The following KCNIP4 variants were observed in gnomAD, a reference collection of about 807,000 sequenced individuals.
KCNIP4 encodes the protein potassium voltage-gated channel interacting protein 4.
KCNIP4 carries 12 observed loss-of-function variants against 34.0 expected under a neutral mutation model. The ratio of observed to expected loss-of-function variants is 0.35; its 90% CI spans 0.23 to 0.57. KCNIP4 has a LOEUF of 0.57. Among genes scored for constraint, KCNIP4 ranks in the 20% least tolerant of loss-of-function variants. KCNIP4 has a pLI of 0.83. For missense variants in KCNIP4, 238 were observed against 311.7 expected (o/e 0.76, Z 1.78); for synonymous variants, 124 against 102.2 (o/e 1.21, Z -1.29).
At chr4:21,337,124 G>A (rs1389181914) in intron 1 of KCNIP4, among the ~76,000 whole-genome samples, 3 of 146,668 alleles carry the variant, frequency 2.0e-5, no homozygotes, top group African/African-American at 8.3e-5. Flanking sequence ...GATATGGAGA[G>A]AGGCAAGGAT....
chr4:21,734,299 C>T (rs142010302), intron 1 of KCNIP4, among the ~76,000 whole-genome samples: 27 of 152,116 alleles, frequency 1.8e-4, no homozygotes, highest in African/African-American at 6.3e-4. Context: ...GTGGAATGTA[C>T]ATTAGGAAGA....
At chr4:21,114,158 C>T (rs531827848) in intron 1 of KCNIP4, among the ~76,000 whole-genome samples, 36 of 152,278 alleles carry the variant, frequency 2.4e-4, no homozygotes, top group African/African-American at 8.7e-4. Flanking sequence ...GAGGTTCTTA[C>T]ATACAGAAAT....
At chr4:21,247,373 T>A (rs1760285044) in intron 1 of KCNIP4, among the ~76,000 whole-genome samples, 1 of 151,940 alleles carries the variant, frequency 6.6e-6, no homozygotes, top group South Asian at 2.1e-4. Flanking sequence ...ATGCAGTTCT[T>A]GTTCATTAGG....
In KCNIP4 at chr4:21,233,878, ATAAC is replaced by A. The variant is rs559018996; in HGVS notation, c.62-351173_62-351170del. On this transcript the variant is annotated intron_variant, in intron 1 of 8. Coordinates refer to ENST00000382152, the MANE Select transcript of KCNIP4 (RefSeq NM_025221.6). The stretch of plus-strand genomic sequence containing the variant: ...TAGTCAATATGACTTTGAGATATCC[ATAAC>A]TAATATATATCACATATAACTAATA... Among the ~76,000 whole-genome samples the A allele has an allele frequency of 9.3e-3, 1,324 of 142,640 alleles. 28 individuals are homozygous for A. Among genetic ancestry groups the A allele is most frequent in the African/African-American group, 0.033 (1,262 of 38,794 alleles). The allele number at this position is 142,640 out of a possible 152,430, so 93.6% of individuals were successfully genotyped here.
At chr4:21,801,807 A>G (rs1721016049) in intron 1 of KCNIP4, among the ~76,000 whole-genome samples, 2 of 151,804 alleles carry the variant, frequency 1.3e-5, no homozygotes, top group Non-Finnish European at 2.9e-5. Flanking sequence ...ATAGCTGCAC[A>G]GCACCAGGAT....
chr4:21,695,500 T>C (rs1375135928), intron 1 of KCNIP4, among the ~76,000 whole-genome samples: 1 of 151,992 alleles, frequency 6.6e-6, no homozygotes, highest in Non-Finnish European at 1.5e-5. Flanking sequence ...CAAATACGCA[T>C]TGAATAAAGC....
chr4:21,407,303 C>A (rs1724076148), intron 1 of KCNIP4, among the ~76,000 whole-genome samples: 1 of 152,026 alleles, frequency 6.6e-6, no homozygotes, highest in Admixed American at 6.6e-5. Context: ...CATAAATAAA[C>A]CATCCAGGTT....
At chr4:21,616,901 T>C (rs1220138349) in intron 1 of KCNIP4, among the ~76,000 whole-genome samples, 1 of 152,196 alleles carries the variant, frequency 6.6e-6, no homozygotes, top group Non-Finnish European at 1.5e-5. Flanking sequence ...TGAAGTGCTG[T>C]CAGGACTTCA....
At chr4:21,255,731 C>T (rs1761017862) in intron 1 of KCNIP4, among the ~76,000 whole-genome samples, 2 of 151,842 alleles carry the variant, frequency 1.3e-5, no homozygotes, top group Non-Finnish European at 2.9e-5. Context: ...ATTGAACAGA[C>T]ATTTGTTGCA....
At chr4:21,189,533 TTA>T (rs1197721926) in intron 1 of KCNIP4, among the ~76,000 whole-genome samples, 18 of 152,354 alleles carry the variant, frequency 1.2e-4, no homozygotes, top group African/African-American at 4.1e-4. Context: ...CAAAACCCAC[TTA>T]TGTTTTAAAA....
At chr4:21,649,668 C>T (rs1272222374) in intron 1 of KCNIP4, among the ~76,000 whole-genome samples, 2 of 152,114 alleles carry the variant, frequency 1.3e-5, no homozygotes, top group Non-Finnish European at 2.9e-5. Context: ...CTCTTCACGG[C>T]TCCTTTTGCA....
chr4:21,654,554 C>T (rs2108976909), intron 1 of KCNIP4, among the ~76,000 whole-genome samples: 1 of 151,890 alleles, frequency 6.6e-6, no homozygotes, highest in East Asian at 1.9e-4. Flanking sequence ...GATAAAAGGG[C>T]TGTGCCATCT....
intron 1 of KCNIP4, among the ~76,000 whole-genome samples, chr4:21,022,558 A>C (rs1408599571): frequency 1.3e-5 from 2 of 152,238 alleles, no homozygotes; most frequent in Non-Finnish European, 2.9e-5. Context: ...TTAGCATGAG[A>C]TGAAAATCCA....
At chr4:21,154,058 C>T (rs1413832336) in intron 1 of KCNIP4, among the ~76,000 whole-genome samples, 2 of 152,128 alleles carry the variant, frequency 1.3e-5, no homozygotes, top group African/African-American at 2.4e-5. Flanking sequence ...TATCCTATTG[C>T]TGTGATGATG....
In KCNIP4 at chr4:20,996,030, G is replaced by A. The variant is rs1331682896; in HGVS notation, c.62-113321C>T. Among the ~76,000 whole-genome samples the A allele has an allele frequency of 2.0e-5, 3 of 152,178 alleles. No individual in the cohort carries two copies. The East Asian group carries it at 5.8e-4, about 29-fold the overall frequency. On this transcript the variant is annotated intron_variant, in intron 1 of 8. Coordinates refer to ENST00000382152, the MANE Select transcript of KCNIP4 (RefSeq NM_025221.6). ...GGAGTGTTGCATGGAGTCTGAGCTT[G>A]ACCATGAGTGGCAGCTCAATCATTC...
rs189580990 is a variant in KCNIP4 at position 20,823,766 on chromosome 4, C to T, written c.288+26777G>A. On this transcript the variant is annotated intron_variant, in intron 3 of 8. Coordinates refer to ENST00000382152, the MANE Select transcript of KCNIP4 (RefSeq NM_025221.6). ...ATTCTTTTATAGCAGTCCAAACTTA[C>T]AAAAATATATCACTTTGATGGAGTG... is the stretch of plus-strand genomic sequence containing the variant. 1.3e-3 allele frequency among the ~76,000 whole-genome samples: 200 copies of T among 152,196 alleles called. 1 individual carries two copies. Among genetic ancestry groups the T allele is most frequent in the African/African-American group, 4.4e-3 (183 of 41,526 alleles).
chr4:21,172,901 A>G (rs116059329), intron 1 of KCNIP4, among the ~76,000 whole-genome samples: 2,884 of 152,278 alleles, frequency 0.019, 57 homozygotes, highest in Non-Finnish European at 0.026. Flanking sequence ...TTTCTAAGTG[A>G]GCTGGAGCAT....
intron 1 of KCNIP4, among the ~76,000 whole-genome samples, chr4:21,708,203 T>C (rs1046593876): frequency 3.3e-5 from 5 of 152,184 alleles, no homozygotes; most frequent in African/African-American, 9.6e-5. Flanking sequence ...TACCCTACAA[T>C]TATATAACCA....
chr4:21,148,985 C>G (rs1752580863), intron 1 of KCNIP4, among the ~76,000 whole-genome samples: 1 of 152,146 alleles, frequency 6.6e-6, no homozygotes, highest in Non-Finnish European at 1.5e-5. Context: ...TTAGAAATAT[C>G]TTTCCCAGTA....
Sources: gnomAD v4.1 joint callset for allele counts (sites outside exome capture counted in the v4.1 genomes callset) on GRCh38, gnomAD v4.1.1 for gene constraint, MANE v1.5 for transcripts, NCBI Gene and HGNC (gene_info 2026-07-23, HGNC 2026-07-21) for gene names.